The following COMMD1 variants were observed in gnomAD, a reference collection of about 807,000 sequenced individuals.
COMMD1 encodes the protein COMM domain-containing protein 1.
Under a neutral mutation model 17.2 loss-of-function variants are expected in COMMD1, and 10 were observed. The observed-to-expected ratio is 0.58, with a 90% CI of 0.36 to 0.99. The LOEUF (loss-of-function observed/expected upper bound fraction) is 0.99. COMMD1 is among the 50% of genes least tolerant of loss of function. The probability of loss-of-function intolerance (pLI) is 0.01; values close to 1 mark genes in which losing one functional copy is unlikely to be tolerated. For missense variants in COMMD1, 270 were observed against 231.8 expected, an observed-to-expected ratio of 1.17 and a Z score of -1.07; for synonymous variants, 97 against 91.6, an observed-to-expected ratio of 1.06 and a Z score of -0.34.
At position 62,079,681 on chromosome 2, in the gene COMMD1, T is replaced by C. The variant is rs868506894; in HGVS notation, c.463-56150T>C. 2.0e-5 allele frequency: 3 copies of C among 152,334 alleles called. No homozygotes were observed. In the South Asian group the frequency reaches 6.2e-4, roughly 32 times the overall value. 9.4% of individuals were successfully genotyped at this position (152,334 alleles called of 1,614,324 possible). A position where few individuals can be genotyped will look rare whatever the true frequency, so the allele number is the denominator to read the frequency against. On this transcript the variant is annotated intron_variant, in intron 2 of 2. Transcript: ENST00000311832. Reference sequence around the variant, plus strand: ...TTTTGGGTTTACATTTTTTGTGTTTTTTTGGGTAGCATAGTTAATGGACAT... The same window carrying C: ...TTTTGGGTTTACATTTTTTGTGTTTCTTTGGGTAGCATAGTTAATGGACAT...
chr2:62,104,986 A>G (rs956422287), intron 2 of COMMD1, among the ~76,000 whole-genome samples: 6 of 151,800 alleles, frequency 4.0e-5, no homozygotes, highest in Admixed American at 2.6e-4. Flanking sequence ...TTAGCCAGGC[A>G]TGATGGCACC....
chr2:61,984,485 C>T (rs907818409), intron 1 of COMMD1, among the ~76,000 whole-genome samples: 5 of 152,032 alleles, frequency 3.3e-5, no homozygotes, highest in African/African-American at 4.8e-5. Flanking sequence ...TTCTTGTTGC[C>T]GATTTCTAGT....
chr2:61,905,960 G>T, intron 1 of COMMD1, 102 bp downstream of exon 1: 3 of 1,217,754 alleles, frequency 2.5e-6, no homozygotes, highest in Non-Finnish European at 3.6e-6. Context: ...AAGCCGAAAG[G>T]CTTTTCCCTC....
chr2:61,956,645 G>A (rs932168153), intron 1 of COMMD1, among the ~76,000 whole-genome samples: 1 of 151,290 alleles, frequency 6.6e-6, no homozygotes, highest in Non-Finnish European at 1.5e-5. Flanking sequence ...TCCTGACCTC[G>A]TGATCCGTCC....
At chr2:61,974,007 T>C (rs1671721955) in intron 1 of COMMD1, among the ~76,000 whole-genome samples, 1 of 152,168 alleles carries the variant, frequency 6.6e-6, no homozygotes, top group Admixed American at 6.5e-5. Flanking sequence ...GAACATCATA[T>C]AATGGGGCTG....
intron 2 of COMMD1, among the ~76,000 whole-genome samples, chr2:62,129,136 A>T (rs1018296921): frequency 6.6e-6 from 1 of 152,258 alleles, no homozygotes; most frequent in East Asian, 1.9e-4. Context: ...GTCTGAAGAG[A>T]CTTAGCTTTA....
intron 2 of COMMD1, among the ~76,000 whole-genome samples, chr2:62,023,537 G>A (rs1225629401): frequency 2.6e-5 from 4 of 151,824 alleles, no homozygotes; most frequent in African/African-American, 9.7e-5. Context: ...AGGCTGGAGT[G>A]CAGTGGAGCA....
At chr2:61,894,549 C>T (rs1342971205) in intron 1 of COMMD1, among the ~76,000 whole-genome samples, 3 of 151,204 alleles carry the variant, frequency 2.0e-5, no homozygotes, top group Non-Finnish European at 2.9e-5. Context: ...TGAAATGTGA[C>T]GTAAATGTGG....
chr2:61,912,405 T>G (rs984861243), intron 1 of COMMD1, among the ~76,000 whole-genome samples: 1 of 152,204 alleles, frequency 6.6e-6, no homozygotes, highest in Non-Finnish European at 1.5e-5. Context: ...CTATGTCCTT[T>G]GGGACTAATC....
At chr2:61,954,580 G>T (rs1349128516) in intron 1 of COMMD1, among the ~76,000 whole-genome samples, 1 of 152,082 alleles carries the variant, frequency 6.6e-6, no homozygotes, top group African/African-American at 2.4e-5. Context: ...GTCTTCCCTG[G>T]CATCTTTTAG....
chr2:61,988,152 C>G (rs759448257), intron 1 of COMMD1, among the ~76,000 whole-genome samples: 1 of 152,066 alleles, frequency 6.6e-6, no homozygotes, highest in Non-Finnish European at 1.5e-5. Flanking sequence ...GGTGCTCTTC[C>G]CCACTGTGGT....
At chr2:62,048,923 C>T (rs925567480) in intron 2 of COMMD1, among the ~76,000 whole-genome samples, 1 of 152,040 alleles carries the variant, frequency 6.6e-6, no homozygotes, top group Non-Finnish European at 1.5e-5. Context: ...CTTTACTGTG[C>T]CTCCTGTTAC....
intron 2 of COMMD1, among the ~76,000 whole-genome samples, chr2:62,126,828 A>G (rs996458210): frequency 1.3e-5 from 2 of 152,180 alleles, no homozygotes; most frequent in Admixed American, 6.5e-5. Context: ...TAAGACAGGG[A>G]TGACCTCTCC....
rs535501709 is a variant in COMMD1, at chr2:61,933,759, T to C, written c.180+27901T>C. Among the ~76,000 whole-genome samples the C allele has an allele frequency of 2.0e-3, 268 of 133,524 alleles. 1 individual carries two copies. Among genetic ancestry groups the C allele is most frequent in the African/African-American group, 9.2e-3 (262 of 28,548 alleles). The allele number at this position is 133,524 out of a possible 152,430, so 87.6% of individuals were successfully genotyped here. On this transcript the variant is annotated intron_variant, in intron 1 of 2. Coordinates refer to ENST00000311832, the MANE Select transcript of COMMD1 (RefSeq NM_152516.4). ...GAACAAAGACAACAAGCAACTTTTGTTTTTCTTTTTTTCTTTTTTTTGAGA... is the reference window on the plus strand; with the variant it reads ...GAACAAAGACAACAAGCAACTTTTGCTTTTCTTTTTTTCTTTTTTTTGAGA...
chr2:61,888,445 T>A, upstream of COMMD1: 2 of 1,611,788 alleles, frequency 1.2e-6, no homozygotes, highest in Non-Finnish European at 1.7e-6. Context: ...GATAGGCGCC[T>A]TTCCCGCGGC....
At chr2:61,978,295 G>A (rs1671860517) in intron 1 of COMMD1, among the ~76,000 whole-genome samples, 3 of 152,116 alleles carry the variant, frequency 2.0e-5, no homozygotes. Context: ...ATCAGGAACT[G>A]ACTTTCTGTG....
chr2:61,948,280 A>C (rs138179735), intron 1 of COMMD1, among the ~76,000 whole-genome samples: 1 of 152,272 alleles, frequency 6.6e-6, no homozygotes, highest in Non-Finnish European at 1.5e-5. Context: ...CTAATAAATC[A>C]ACAATATTAA....
chr2:62,023,684 C>G (rs1002912608), intron 2 of COMMD1, among the ~76,000 whole-genome samples: 3 of 152,092 alleles, frequency 2.0e-5, no homozygotes, highest in Non-Finnish European at 4.4e-5. Context: ...GGGGTTTCAC[C>G]ATGTTGGCCA....
At chr2:61,976,282 A>G (rs991337806) in intron 1 of COMMD1, among the ~76,000 whole-genome samples, 5 of 152,032 alleles carry the variant, frequency 3.3e-5, no homozygotes, top group Admixed American at 3.3e-4. Context: ...TCTATAAAAA[A>G]CCCATTTTAA....
Sources: allele counts gnomAD v4.1 joint callset (sites outside exome capture counted in the v4.1 genomes callset), GRCh38; gene constraint gnomAD v4.1.1; transcripts MANE v1.5; gene names NCBI Gene and HGNC (gene_info 2026-07-23, HGNC 2026-07-21).